DCC: variants seen among roughly 807,000 people sequenced by gnomAD.
DCC encodes netrin receptor DCC.
A neutral mutation model predicts 172.5 loss-of-function variants in DCC; 58 were observed. The observed-to-expected ratio is 0.34, with a 90% CI of 0.27 to 0.42. The LOEUF is 0.42. Ranked by LOEUF, DCC falls within the 10% of genes least tolerant of loss-of-function variation. DCC has a pLI of 1.00. For synonymous variants in DCC, 709 were observed against 644.5 expected (o/e 1.10, Z -1.52); for missense variants, 1,740 against 1,791.0 (o/e 0.97, Z 0.51).
intron 15 of DCC, among the ~76,000 whole-genome samples, chr18:53,354,541 G>A (rs1030846891): frequency 1.3e-5 from 2 of 152,048 alleles, no homozygotes; most frequent in African/African-American, 2.4e-5. Flanking sequence ...TCATGTGTCT[G>A]TTGGCTGCAT....
intron 1 of DCC, among the ~76,000 whole-genome samples, chr18:52,714,568 G>A (rs1373104507): frequency 6.6e-6 from 1 of 152,168 alleles, no homozygotes; most frequent in African/African-American, 2.4e-5. Flanking sequence ...TTATCTGAAG[G>A]ATGAGTGAGT....
chr18:53,084,396 A>T (rs1214986438), intron 7 of DCC, among the ~76,000 whole-genome samples: 1 of 152,226 alleles, frequency 6.6e-6, no homozygotes, highest in African/African-American at 2.4e-5. Flanking sequence ...ATTGGAGATT[A>T]AACTTCAGCA....
chr18:52,423,497 C>T (rs1320481602), intron 1 of DCC, among the ~76,000 whole-genome samples: 2 of 151,594 alleles, frequency 1.3e-5, no homozygotes, highest in African/African-American at 2.4e-5. Context: ...AAACCTCCAG[C>T]AGATGAACAC....
chr18:53,148,614 G>A (rs1303573812), intron 7 of DCC, among the ~76,000 whole-genome samples: 1 of 152,088 alleles, frequency 6.6e-6, no homozygotes, highest in Non-Finnish European at 1.5e-5. Flanking sequence ...TGGAAAGGGT[G>A]CAATGATTAG....
intron 5 of DCC, among the ~76,000 whole-genome samples, chr18:52,967,266 C>G (rs1301352487): frequency 2.0e-5 from 3 of 152,116 alleles, no homozygotes; most frequent in African/African-American, 7.2e-5. Flanking sequence ...CATTCTTTTT[C>G]ATGGAGCAAA....
At chr18:52,914,170 G>C (rs2040008138) in intron 3 of DCC, among the ~76,000 whole-genome samples, 1 of 151,334 alleles carries the variant, frequency 6.6e-6, no homozygotes, top group Non-Finnish European at 1.5e-5. Context: ...GGCAACATTT[G>C]TTTTCTGGGA....
At chr18:52,528,814 T>G (rs1568214001) in intron 1 of DCC, among the ~76,000 whole-genome samples, 1 of 152,118 alleles carries the variant, frequency 6.6e-6, no homozygotes, top group African/African-American at 2.4e-5. Flanking sequence ...ATGCTCAACT[T>G]TATGTTTCTG....
At position 52,485,053 on chromosome 18, in the gene DCC, G is replaced by C. The variant is rs569987816; in HGVS notation, c.91+144175G>C. 1.8e-4 allele frequency among the ~76,000 whole-genome samples: 28 copies of C among 152,158 alleles called. No homozygotes were observed. In the East Asian group the frequency reaches 3.1e-3, roughly 17 times the overall value. ...GATACTTTTGTCTTCTTGCCTTTAA[G>C]ACTTGGAGCATGAAGGACCTACATG... On this transcript the variant is annotated intron_variant, in intron 1 of 28. Transcript: ENST00000442544.
intron 2 of DCC, among the ~76,000 whole-genome samples, chr18:52,792,814 A>AATTCCATTCT (rs1415259487): frequency 3.8e-5 from 5 of 133,156 alleles, no homozygotes; most frequent in Non-Finnish European, 6.7e-5. Flanking sequence ...CAGTTGATTC[A>AATTCCATTCT]ATTCCATTCT....
Position 52,561,320 on chromosome 18 carries a change from A to G in DCC, c.92-190734A>G, listed in dbSNP as rs1427806168. 2.0e-5 allele frequency among the ~76,000 whole-genome samples: 3 copies of G among 151,796 alleles called. No individual in the cohort carries two copies. The East Asian group carries it at 5.8e-4, about 29-fold the overall frequency. ...TATGTGTATATAGGCAGAGATCAAT[A>G]TGTGTATATATAATAGATATTTAAA... On this transcript the variant is annotated intron_variant, in intron 1 of 28. Transcript: ENST00000442544.
At position 53,111,114 on chromosome 18, in the gene DCC, T is replaced by C. The variant is rs548219952; in HGVS notation, c.1261+44948T>C. 4.0e-4 allele frequency among the ~76,000 whole-genome samples: 60 copies of C among 149,110 alleles called. 1 individual carries two copies. The highest frequency in any genetic ancestry group is 1.0e-3 in the Admixed American group (15 of 14,888). On this transcript the variant is annotated intron_variant, in intron 7 of 28. Coordinates refer to ENST00000442544, the MANE Select transcript of DCC (RefSeq NM_005215.4). ...GTCCTTTGTAGGGACATGGATGAAA[T>C]TGGAAATCATCATTGTCAGTAAGCT...
intron 15 of DCC, among the ~76,000 whole-genome samples, chr18:53,375,281 C>G (rs1197732156): frequency 1.3e-5 from 2 of 152,096 alleles, no homozygotes; most frequent in Non-Finnish European, 2.9e-5. Flanking sequence ...TTTTAATGCT[C>G]TGCTATGTCT....
At chr18:52,963,213 AT>A (rs1036253432) in intron 5 of DCC, among the ~76,000 whole-genome samples, 2 of 151,768 alleles carry the variant, frequency 1.3e-5, no homozygotes, top group East Asian at 1.9e-4. Flanking sequence ...AGGGATATAG[AT>A]TTTTTTAAAA....
chr18:52,727,050 G>A (rs977686329), intron 1 of DCC, among the ~76,000 whole-genome samples: 3 of 152,078 alleles, frequency 2.0e-5, no homozygotes, highest in Non-Finnish European at 4.4e-5. Flanking sequence ...TAACTCAGAT[G>A]GTTTGATAAA....
intron 1 of DCC, among the ~76,000 whole-genome samples, chr18:52,525,064 A>G (rs973929125): frequency 6.6e-6 from 1 of 152,132 alleles, no homozygotes; most frequent in African/African-American, 2.4e-5. Context: ...TCTTGTAAGA[A>G]TAAAGTTAAA....
intron 18 of DCC, among the ~76,000 whole-genome samples, chr18:53,399,026 C>T (rs1909133694): frequency 6.6e-6 from 1 of 152,056 alleles, no homozygotes. Context: ...GTTGAAATGG[C>T]TTGTGATAAA....
At chr18:53,041,431 T>C (rs561270855) in intron 5 of DCC, among the ~76,000 whole-genome samples, 10 of 152,266 alleles carry the variant, frequency 6.6e-5, no homozygotes, top group African/African-American at 2.4e-4. Context: ...TGTAGTATAG[T>C]TTGAAGTCAG....
At chr18:52,887,683 T>C (rs1598900215) in intron 2 of DCC, among the ~76,000 whole-genome samples, 1 of 152,158 alleles carries the variant, frequency 6.6e-6, no homozygotes, top group South Asian at 2.1e-4. Flanking sequence ...TTTTAGGCAA[T>C]TGTTTATCTC....
At chr18:52,938,795 A>G (rs11873383) in intron 5 of DCC, among the ~76,000 whole-genome samples, 3,226 of 152,176 alleles carry the variant, frequency 0.021, 60 homozygotes, top group Admixed American at 0.037. Context: ...CATTAAATCC[A>G]TAACAGTTCA....
Sources: allele counts gnomAD v4.1 joint callset (sites outside exome capture counted in the v4.1 genomes callset), GRCh38; gene constraint gnomAD v4.1.1; transcripts MANE v1.5; gene names NCBI Gene and HGNC (gene_info 2026-07-23, HGNC 2026-07-21).